The following LOC400499 variants were observed in gnomAD, a reference collection of about 807,000 sequenced individuals.
the LOC400499 span, chr16:11,372,680 TAG>T: frequency 1.1e-6 from 1 of 893,744 alleles, no homozygotes; most frequent in Non-Finnish European, 1.3e-6. Flanking sequence ...GGAATTGCAG[TAG>T]AAGGTGAAGG....
chr16:11,439,586 T>G, the LOC400499 span: 10 of 399,030 alleles, frequency 2.5e-5, no homozygotes, highest in Non-Finnish European at 4.0e-5. Flanking sequence ...CGAGGCCTGT[T>G]GCAGGGAGAG....
the LOC400499 span, among the ~76,000 whole-genome samples, chr16:11,483,590 G>A: frequency 1.3e-5 from 2 of 152,008 alleles, no homozygotes; most frequent in African/African-American, 4.8e-5. Flanking sequence ...ATGTTGGCAA[G>A]CGCAGTGGCT....
chr16:11,411,412 C>G, the LOC400499 span: 1 of 398,616 alleles, frequency 2.5e-6, no homozygotes, highest in East Asian at 3.6e-5. Flanking sequence ...ACCAAGGGGA[C>G]TTCCCCGAGA....
At chr16:11,400,857 C>G in the LOC400499 span, among the ~76,000 whole-genome samples, 1 of 152,134 alleles carries the variant, frequency 6.6e-6, no homozygotes, top group Admixed American at 6.6e-5. Context: ...GTTGTCCTCC[C>G]TTTCATAGAT....
At chr16:11,519,333 C>T in the LOC400499 span, among the ~76,000 whole-genome samples, 1 of 152,152 alleles carries the variant, frequency 6.6e-6, no homozygotes, top group East Asian at 1.9e-4. Flanking sequence ...ATCCCACTGT[C>T]ACCATGGGGT....
the LOC400499 span, among the ~76,000 whole-genome samples, chr16:11,453,503 G>C: frequency 7.9e-5 from 12 of 152,110 alleles, no homozygotes; most frequent in Admixed American, 4.6e-4. Flanking sequence ...TCTAAGAGAA[G>C]ACAATTGCAT....
the LOC400499 span, among the ~76,000 whole-genome samples, chr16:11,437,637 G>A: frequency 3.3e-5 from 5 of 152,198 alleles, no homozygotes; most frequent in Non-Finnish European, 7.3e-5. Flanking sequence ...GAAGGCTGGG[G>A]CAGGCAGATC....
At chr16:11,392,352 G>C in the LOC400499 span, 6 of 398,838 alleles carry the variant, frequency 1.5e-5, no homozygotes, top group Admixed American at 1.3e-4. Flanking sequence ...TGGCAGCCGC[G>C]CGCGGCCAGC....
At chr16:11,402,629 T>G in the LOC400499 span, among the ~76,000 whole-genome samples, 2 of 152,258 alleles carry the variant, frequency 1.3e-5, no homozygotes, top group African/African-American at 4.8e-5. Context: ...CAGCTCAGGA[T>G]GTCCTAGCGC....
At chr16:11,384,423 G>A in the LOC400499 span, 5 of 573,960 alleles carry the variant, frequency 8.7e-6, no homozygotes, top group Admixed American at 1.3e-4. Flanking sequence ...AGATGAGCCT[G>A]AAGCACACAG....
chr16:11,460,623 AC>A, the LOC400499 span: 2 of 1,518,174 alleles, frequency 1.3e-6, no homozygotes, highest in African/African-American at 1.4e-5. Flanking sequence ...GTGTGGATCA[AC>A]CCAGAGACCC....
At chr16:11,423,355 G>A in the LOC400499 span, 1 of 398,438 alleles carries the variant, frequency 2.5e-6, no homozygotes. Context: ...CCACCCTTTG[G>A]GGAAGCCACC....
At chr16:11,447,830 G>C in the LOC400499 span, 5 of 1,400,152 alleles carry the variant, frequency 3.6e-6, no homozygotes, top group East Asian at 1.1e-4. Flanking sequence ...GGTCAGCAGA[G>C]ATTCTCCAGG....
chr16:11,481,300 G>A, the LOC400499 span, among the ~76,000 whole-genome samples: 1 of 152,206 alleles, frequency 6.6e-6, no homozygotes, highest in Non-Finnish European at 1.5e-5. Context: ...ACAACATGGT[G>A]AATGTACTAA....
chr16:11,430,043 GACAA>G, the LOC400499 span, among the ~76,000 whole-genome samples: 11 of 152,274 alleles, frequency 7.2e-5, no homozygotes, highest in East Asian at 1.5e-3. Context: ...ACCAACGTTG[GACAA>G]ACAGACAGAA....
At chr16:11,417,377 A>G in the LOC400499 span, among the ~76,000 whole-genome samples, 1 of 152,214 alleles carries the variant, frequency 6.6e-6, no homozygotes, top group South Asian at 2.1e-4. Context: ...CACATGCACC[A>G]CCACACCTAG....
chr16:11,460,438 G>A, the LOC400499 span: 4 of 1,492,356 alleles, frequency 2.7e-6, no homozygotes, highest in East Asian at 2.5e-5. Flanking sequence ...CCTGACTCTA[G>A]TGCTCTCTCC....
At chr16:11,468,392 T>C in the LOC400499 span, among the ~76,000 whole-genome samples, 2 of 151,876 alleles carry the variant, frequency 1.3e-5, no homozygotes, top group African/African-American at 4.8e-5. Context: ...GGCAGAAGCA[T>C]GGCTCAGTGC....
At chr16:11,471,630 A>G in the LOC400499 span, 1 of 398,962 alleles carries the variant, frequency 2.5e-6, no homozygotes, top group Non-Finnish European at 4.4e-6. Flanking sequence ...GCTGAGAAAG[A>G]CGGGGCTGTT....
Sources: gnomAD v4.1 joint callset for allele counts (sites outside exome capture counted in the v4.1 genomes callset) on GRCh38, gnomAD v4.1.1 for gene constraint, MANE v1.5 for transcripts.